The following DIP2C variants were observed in gnomAD, a reference collection of about 807,000 sequenced individuals.
DIP2C encodes DIP2 acetate--CoA ligase C (putative).
Under a neutral mutation model 192.4 loss-of-function variants are expected in DIP2C, and 33 were observed. The observed-to-expected ratio is 0.17, with a 90% confidence interval of 0.13 to 0.23. DIP2C has a LOEUF of 0.23. Among genes scored for constraint, DIP2C ranks in the 10% least tolerant of loss-of-function variants. The probability of loss-of-function intolerance (pLI) is 1.00; values close to 1 mark genes in which losing one functional copy is unlikely to be tolerated. For synonymous variants in DIP2C, 979 were observed against 864.1 expected (o/e 1.13, Z -2.33); for missense variants, 1,537 against 2,110.1 (o/e 0.73, Z 5.32).
At chr10:408,754 C>T (rs11252213) in intron 9 of DIP2C, among the ~76,000 whole-genome samples, 172 bp downstream of exon 9, 87,329 of 152,008 alleles carry the variant, frequency 0.57, 25,139 homozygotes, top group East Asian at 0.71. Context: ...AGAATGGAGA[C>T]ACCATTAATA....
intron 1 of DIP2C, among the ~76,000 whole-genome samples, chr10:520,252 C>T (rs530656528): frequency 5.9e-5 from 9 of 152,184 alleles, no homozygotes; most frequent in East Asian, 3.9e-4. Context: ...CAGGGAGGGC[C>T]GCGCTCTGGG....
rs777551386 is a variant in DIP2C at position 363,449 on chromosome 10, G to A, written c.2478-138C>T. On this transcript the variant is annotated intron_variant, in intron 20 of 36. Transcript: ENST00000280886. This position sits in a 1 kb window ranked among gnomAD's most constrained non-coding sequence, Gnocchi z 5.4. ...ACTTCAAAACGGCCGCTGTACTTCC[G>A]AATTTCCCCACACTCATCAGTACGG... 11 of 706,316 alleles carry A rather than the reference G, an allele frequency of 1.6e-5. No homozygotes were observed. The highest frequency in any genetic ancestry group is 5.3e-5 in the African/African-American group (3 of 56,332). 43.8% of individuals were successfully genotyped at this position (706,316 alleles called of 1,614,324 possible). A position where few individuals can be genotyped will look rare whatever the true frequency, so the allele number is the denominator to read the frequency against.
Position 281,282 on chromosome 10 carries a change from C to T in DIP2C, c.4336G>A (p.Ala1446Thr), listed in dbSNP as rs770211822. 1 of 1,614,178 alleles carries T rather than the reference C, an allele frequency of 6.2e-7. No homozygotes were observed. The highest frequency in any genetic ancestry group is 1.1e-5 in the South Asian group (1 of 91,082). ...ALYVVGALDEAMELRGMRYHP... is the reference protein window; with the variant it reads ...ALYVVGALDETMELRGMRYHP... Reference sequence around the variant, plus strand: ...TACCGCATGCCCCGCAGCTCCATGGCTTCGTCCAGTGCCCCTACCACGTAG... The same window carrying T: ...TACCGCATGCCCCGCAGCTCCATGGTTTCGTCCAGTGCCCCTACCACGTAG... Residue 1446 changes from alanine (A) to threonine (T), a missense_variant, in exon 36 of 37, where the codon GCC becomes ACC. By Grantham distance (58) the Ala-to-Thr change is moderately conservative (BLOSUM62 0). Coordinates refer to ENST00000280886, the MANE Select transcript of DIP2C (RefSeq NM_014974.3).
At chr10:350,808 A>G (rs1958761766) in intron 24 of DIP2C, among the ~76,000 whole-genome samples, 1 of 151,902 alleles carries the variant, frequency 6.6e-6, no homozygotes, top group Non-Finnish European at 1.5e-5. Flanking sequence ...CAACACGCCC[A>G]ACTAATTTTT....
chr10:356,895 C>T (rs553282339), intron 23 of DIP2C, among the ~76,000 whole-genome samples: 10 of 152,272 alleles, frequency 6.6e-5, no homozygotes, highest in Admixed American at 2.0e-4. Flanking sequence ...AGATGCAAAG[C>T]GGATTTTGGT....
chr10:586,583 T>C (rs1851045917), intron 1 of DIP2C, among the ~76,000 whole-genome samples: 1 of 152,236 alleles, frequency 6.6e-6, no homozygotes, highest in Non-Finnish European at 1.5e-5. Flanking sequence ...CTTCTGTGGC[T>C]CTGAGACATT....
Position 414,050 on chromosome 10 carries a change from C to T in DIP2C, c.920G>A (p.Gly307Glu), listed in dbSNP as rs1255376777. The stretch of plus-strand genomic sequence containing the variant: ...GTTCGTGACCACGCCCAGCTGCTCT[C>T]CGCGCATGGCCAGCATCTGGGCCCC... ...PEGAQMLAMR[G>E]EQLGVVTNWP... Residue 307 changes from glycine (G) to glutamate (E), a missense_variant, in exon 8 of 37, where the codon GGA becomes GAA. Coordinates refer to ENST00000280886, the MANE Select transcript of DIP2C (RefSeq NM_014974.3). The T allele has an allele frequency of 6.2e-7, 1 of 1,613,808 alleles. No individual in the cohort carries two copies. The highest frequency in any genetic ancestry group is 8.5e-7 in the Non-Finnish European group (1 of 1,179,860).
intron 1 of DIP2C, among the ~76,000 whole-genome samples, chr10:511,135 C>A (rs1171805331): frequency 6.6e-6 from 1 of 152,212 alleles, no homozygotes; most frequent in Non-Finnish European, 1.5e-5. Flanking sequence ...AAGCCTTGGC[C>A]TGCCCCAGTG....
Position 390,377 on chromosome 10 carries a change from G to C in DIP2C, c.1385-4C>G, listed in dbSNP as rs374957162. ...AACCACAGCAGCTTTGGCCAACCTT[G>C]GAAATAAACAACAAGTTCCTTTTAA... is the stretch of plus-strand genomic sequence containing the variant. On this transcript the variant is annotated splice_region_variant and splice_polypyrimidine_tract_variant and intron_variant, in intron 11 of 36. Coordinates refer to ENST00000280886, the MANE Select transcript of DIP2C (RefSeq NM_014974.3). 1.1e-5 allele frequency: 18 copies of C among 1,613,190 alleles called. No individual in the cohort carries two copies. Among genetic ancestry groups the C allele is most frequent in the Non-Finnish European group, 1.4e-5 (16 of 1,179,578 alleles).
intron 1 of DIP2C, among the ~76,000 whole-genome samples, chr10:599,167 T>A (rs560175819): frequency 2.4e-4 from 37 of 151,308 alleles, no homozygotes. Flanking sequence ...GAGGGCAGAA[T>A]AATGCCATTT....
intron 1 of DIP2C, among the ~76,000 whole-genome samples, chr10:601,443 A>G (rs746833993): frequency 1.3e-4 from 20 of 152,244 alleles, no homozygotes; most frequent in Non-Finnish European, 2.2e-4. Context: ...TTAAAACGGC[A>G]CTAGTTCCTG....
At chr10:542,552 C>T (rs1361834975) in intron 1 of DIP2C, among the ~76,000 whole-genome samples, 3 of 152,254 alleles carry the variant, frequency 2.0e-5, no homozygotes, top group Admixed American at 6.5e-5. Context: ...CAGCTTCAAC[C>T]TTCAGAGTAA....
At position 487,086 on chromosome 10, in the gene DIP2C, G is replaced by A. The variant is rs559884408; in HGVS notation, c.86-556C>T. 2.0e-5 allele frequency among the ~76,000 whole-genome samples: 3 copies of A among 152,322 alleles called. No homozygotes were observed. The East Asian group carries it at 5.8e-4, about 29-fold the overall frequency. On this transcript the variant is annotated intron_variant, in intron 1 of 36. Coordinates refer to ENST00000280886, the MANE Select transcript of DIP2C (RefSeq NM_014974.3). The stretch of plus-strand genomic sequence containing the variant: ...CAGAAGACAAGAGAAAGGTGCTTGT[G>A]GTGAGGCAAGAATCCACATGTTAAA...
At chr10:558,531 C>G (rs1225698450) in intron 1 of DIP2C, among the ~76,000 whole-genome samples, 1 of 152,132 alleles carries the variant, frequency 6.6e-6, no homozygotes, top group Non-Finnish European at 1.5e-5. Context: ...CGCAGGGGGA[C>G]AGGAGCACGT....
chr10:677,814 C>A (rs1039229668), intron 1 of DIP2C, among the ~76,000 whole-genome samples: 2 of 152,236 alleles, frequency 1.3e-5, no homozygotes, highest in Non-Finnish European at 2.9e-5. Context: ...GAGACCCAGA[C>A]TCATACAGTC....
At chr10:431,859 T>C (rs766271000) in intron 4 of DIP2C, among the ~76,000 whole-genome samples, 12 of 152,236 alleles carry the variant, frequency 7.9e-5, no homozygotes, top group Non-Finnish European at 1.6e-4. Context: ...TTTCTCACAA[T>C]TGGGTATGAT....
intron 1 of DIP2C, among the ~76,000 whole-genome samples, chr10:577,804 G>C (rs1262285509): frequency 5.3e-5 from 8 of 149,546 alleles, no homozygotes; most frequent in East Asian, 3.9e-4. Flanking sequence ...GTTTTGTTTT[G>C]TTTCTTTTGT....
intron 1 of DIP2C, among the ~76,000 whole-genome samples, chr10:660,048 T>C (rs1856657995): frequency 6.6e-6 from 1 of 152,262 alleles, no homozygotes; most frequent in Admixed American, 6.5e-5. Context: ...CTAGGTTCCC[T>C]CTCATGACAG....
chr10:598,116 G>A (rs369683794), intron 1 of DIP2C, among the ~76,000 whole-genome samples: 20 of 152,328 alleles, frequency 1.3e-4, no homozygotes, highest in East Asian at 1.2e-3. Context: ...GATGGATCAC[G>A]GCCTCCCACG....
Sources: gnomAD v4.1 joint callset for allele counts (sites outside exome capture counted in the v4.1 genomes callset) on GRCh38, gnomAD v4.1.1 for gene constraint, Gnocchi (gnomAD v3.1) non-coding constraint, MANE v1.5 for transcripts, NCBI Gene and HGNC (gene_info 2026-07-23, HGNC 2026-07-21) for gene names.